Variants in RASGRF2 observed in about 807,000 individuals in gnomAD.
RASGRF2 encodes the protein Ras protein specific guanine nucleotide releasing factor 2.
Under a neutral mutation model 151.0 loss-of-function variants are expected in RASGRF2, and 76 were observed. That is an observed-to-expected ratio of 0.50 (90% CI 0.42 to 0.61). RASGRF2 has a LOEUF of 0.61. RASGRF2 is among the 20% of genes least tolerant of loss of function. The probability of loss-of-function intolerance (pLI) is 0.00; values close to 1 mark genes in which losing one functional copy is unlikely to be tolerated. For synonymous variants in RASGRF2, 504 were observed against 566.5 expected (o/e 0.89, Z 1.57); for missense variants, 1,148 against 1,564.6 (o/e 0.73, Z 4.49).
intron 1 of RASGRF2, among the ~76,000 whole-genome samples, chr5:81,042,022 T>C (rs917113531): frequency 6.6e-6 from 1 of 152,202 alleles, no homozygotes; most frequent in Non-Finnish European, 1.5e-5. Flanking sequence ...AGAATTCTTC[T>C]TTTTTTAATT....
At position 81,208,904 on chromosome 5, in the gene RASGRF2, CTAAG is replaced by C. The variant is rs546123540; in HGVS notation, c.3156+467_3156+470del. Among the ~76,000 whole-genome samples, 122 of 152,262 alleles carry C rather than the reference CTAAG, an allele frequency of 8.0e-4. 1 individual carries two copies. The highest frequency in any genetic ancestry group is 3.4e-3 in the Middle Eastern group (1 of 294). ...GGATATTGACGACAAGCTTAAATCTCTAAGAGCTCACAGTAATGTAATAATGTCC... is the reference window on the plus strand; with the variant it reads ...GGATATTGACGACAAGCTTAAATCTCAGCTCACAGTAATGTAATAATGTCC... On this transcript the variant is annotated intron_variant, in intron 22 of 26. Coordinates refer to ENST00000265080, the MANE Select transcript of RASGRF2 (RefSeq NM_006909.3).
At chr5:81,015,761 T>G (rs1749611475) in intron 1 of RASGRF2, among the ~76,000 whole-genome samples, 1 of 152,234 alleles carries the variant, frequency 6.6e-6, no homozygotes, top group Non-Finnish European at 1.5e-5. Context: ...CTTCCATCTC[T>G]GAGTGTTGGT....
chr5:81,200,155 C>G (rs1439080003), intron 18 of RASGRF2, among the ~76,000 whole-genome samples: 1 of 151,612 alleles, frequency 6.6e-6, no homozygotes, highest in African/African-American at 2.4e-5. Context: ...CCTGTAGTCC[C>G]AGCTACTTGG....
At chr5:81,036,209 T>G (rs756720919) in intron 1 of RASGRF2, among the ~76,000 whole-genome samples, 3 of 152,130 alleles carry the variant, frequency 2.0e-5, no homozygotes, top group Non-Finnish European at 4.4e-5. Context: ...ATAATATGCT[T>G]ATAGAGGTAT....
At chr5:81,008,540 T>C (rs1380270366) in intron 1 of RASGRF2, among the ~76,000 whole-genome samples, 2 of 152,200 alleles carry the variant, frequency 1.3e-5, no homozygotes, top group Non-Finnish European at 2.9e-5. Context: ...GCTTTATGAG[T>C]GCCTAATTTA....
chr5:81,184,584 C>T lies in RASGRF2; in HGVS notation c.2793+4303C>T, dbSNP rs890154646. 7.9e-5 allele frequency among the ~76,000 whole-genome samples: 12 copies of T among 152,302 alleles called. No homozygotes were observed. The East Asian group carries it at 9.6e-4, about 12-fold the overall frequency. ...AGCTGTGTCTGCAGATTACCACTGGCGCCATCAGGCTCTGGGTACTGTCTG... is the reference window on the plus strand; with the variant it reads ...AGCTGTGTCTGCAGATTACCACTGGTGCCATCAGGCTCTGGGTACTGTCTG... On this transcript the variant is annotated intron_variant, in intron 18 of 26. Transcript: ENST00000265080.
intron 1 of RASGRF2, among the ~76,000 whole-genome samples, chr5:80,982,290 G>A (rs2112240966): frequency 6.6e-6 from 1 of 152,252 alleles, no homozygotes; most frequent in Middle Eastern, 3.4e-3. Context: ...AGATGAGACG[G>A]TGTATTTGAA....
At chr5:81,142,031 G>T (rs572622580) in intron 17 of RASGRF2, among the ~76,000 whole-genome samples, 2 of 152,344 alleles carry the variant, frequency 1.3e-5, no homozygotes, top group East Asian at 3.9e-4. Flanking sequence ...TTAACAGCAT[G>T]CATAAACTTA....
At chr5:81,198,771 C>T (rs1313523636) in intron 18 of RASGRF2, among the ~76,000 whole-genome samples, 1 of 152,190 alleles carries the variant, frequency 6.6e-6, no homozygotes, top group Non-Finnish European at 1.5e-5. Context: ...GCATAGTATT[C>T]CATGGTGTAT....
At chr5:80,995,350 T>G (rs1044212237) in intron 1 of RASGRF2, among the ~76,000 whole-genome samples, 1 of 150,644 alleles carries the variant, frequency 6.6e-6, no homozygotes, top group African/African-American at 2.5e-5. Flanking sequence ...TTTTGTCACT[T>G]TAGTTAGAAT....
At chr5:81,110,153 GA>G (rs1023616815) in intron 13 of RASGRF2, among the ~76,000 whole-genome samples, 4 of 151,802 alleles carry the variant, frequency 2.6e-5, no homozygotes, top group Admixed American at 6.6e-5. Context: ...AGAGTTAAAA[GA>G]AAAAAAATTA....
intron 1 of RASGRF2, among the ~76,000 whole-genome samples, chr5:81,029,619 A>G (rs1310263708): frequency 2.0e-5 from 3 of 152,252 alleles, no homozygotes; most frequent in African/African-American, 7.2e-5. Flanking sequence ...ACAAACAGAA[A>G]GGACACCCAC....
At chr5:81,118,370 G>A (rs1223430328) in intron 15 of RASGRF2, among the ~76,000 whole-genome samples, 1 of 152,254 alleles carries the variant, frequency 6.6e-6, no homozygotes, top group Non-Finnish European at 1.5e-5. Flanking sequence ...ACCTGGGTTT[G>A]CCTGGGCCAC....
At chr5:81,219,551 G>A (rs1054933306) in intron 25 of RASGRF2, 159 bp from the exon 26 acceptor site, 1 of 545,336 alleles carries the variant, frequency 1.8e-6, no homozygotes. Context: ...AGTCAAGAAA[G>A]CACCAACCAT....
chr5:81,061,241 T>A (rs138342564), intron 2 of RASGRF2, among the ~76,000 whole-genome samples: 1 of 152,202 alleles, frequency 6.6e-6, no homozygotes, highest in Non-Finnish European at 1.5e-5. Flanking sequence ...TTTTAATGAA[T>A]GAACATTTTG....
chr5:81,165,649 G>A (rs1754488328), intron 17 of RASGRF2, among the ~76,000 whole-genome samples: 1 of 152,202 alleles, frequency 6.6e-6, no homozygotes, highest in African/African-American at 2.4e-5. Flanking sequence ...GACCTTGCCT[G>A]GTGATGCTGC....
At chr5:81,207,756 C>T (rs554654878) in intron 21 of RASGRF2, among the ~76,000 whole-genome samples, 41 of 152,338 alleles carry the variant, frequency 2.7e-4, no homozygotes, top group African/African-American at 8.7e-4. Flanking sequence ...GCTTCTGCCC[C>T]GCTGAACTGC....
intron 12 of RASGRF2, among the ~76,000 whole-genome samples, chr5:81,102,316 A>G (rs1409729630): frequency 6.6e-6 from 1 of 152,246 alleles, no homozygotes. Context: ...AAAAGAACCT[A>G]AAAAACTGTA....
intron 17 of RASGRF2, among the ~76,000 whole-genome samples, chr5:81,163,551 AC>A (rs1754435930): frequency 6.6e-6 from 1 of 152,160 alleles, no homozygotes; most frequent in Admixed American, 6.6e-5. Flanking sequence ...TCACTACTTT[AC>A]AATATCTTCA....
Sources: allele counts gnomAD v4.1 joint callset (sites outside exome capture counted in the v4.1 genomes callset), GRCh38; gene constraint gnomAD v4.1.1; transcripts MANE v1.5; gene names NCBI Gene and HGNC (gene_info 2026-07-23, HGNC 2026-07-21).